Variants in HNF4G observed in about 807,000 individuals in gnomAD.
HNF4G encodes hepatocyte nuclear factor 4-gamma.
HNF4G carries 21 observed loss-of-function variants against 50.9 expected under a neutral mutation model. The observed-to-expected ratio is 0.41, with a 90% confidence interval of 0.29 to 0.59. HNF4G has a LOEUF of 0.59. HNF4G is among the 20% of genes least tolerant of loss of function. The probability of loss-of-function intolerance (pLI) is 0.26; values close to 1 mark genes in which losing one functional copy is unlikely to be tolerated. For missense variants in HNF4G, 527 were observed against 559.4 expected, an observed-to-expected ratio of 0.94 and a Z score of 0.58; for synonymous variants, 198 against 185.6, an observed-to-expected ratio of 1.07 and a Z score of -0.54.
chr8:75,514,252 A>T (rs1369014229), intron 2 of HNF4G, among the ~76,000 whole-genome samples: 1 of 149,892 alleles, frequency 6.7e-6, no homozygotes, highest in Non-Finnish European at 1.5e-5. Context: ...TTTGTCTAAT[A>T]TTGACATAAA....
At chr8:75,468,786 G>A (rs376705942) in intron 1 of HNF4G, among the ~76,000 whole-genome samples, 13 of 151,836 alleles carry the variant, frequency 8.6e-5, no homozygotes, top group African/African-American at 7.3e-5. Flanking sequence ...CTCATTAACC[G>A]TTCCTTCCTA....
chr8:75,442,953 G>A (rs995923356), intron 1 of HNF4G, among the ~76,000 whole-genome samples: 13 of 152,142 alleles, frequency 8.5e-5, no homozygotes, highest in South Asian at 2.1e-4. Context: ...TATTGCCTTC[G>A]TGATCTGAAT....
intron 1 of HNF4G, among the ~76,000 whole-genome samples, chr8:75,450,796 G>A (rs1360720442): frequency 6.6e-6 from 1 of 152,142 alleles, no homozygotes; most frequent in African/African-American, 2.4e-5. Context: ...AAGTCCTGAG[G>A]GCTCTGTCCT....
At chr8:75,563,793 G>T (rs1453233469) in intron 9 of HNF4G, among the ~76,000 whole-genome samples, 182 bp from the exon 10 acceptor site, 2 of 152,048 alleles carry the variant, frequency 1.3e-5, no homozygotes, top group African/African-American at 4.8e-5. Context: ...GGAAAGTAAG[G>T]TGAGAGTACT....
At chr8:75,508,455 A>T (rs1007316294) in intron 2 of HNF4G, among the ~76,000 whole-genome samples, 2 of 152,074 alleles carry the variant, frequency 1.3e-5, no homozygotes, top group South Asian at 2.1e-4. Flanking sequence ...TAAATAAAAT[A>T]TTGGGCCTTA....
chr8:75,422,067 A>T (rs1810788576), intron 1 of HNF4G, among the ~76,000 whole-genome samples: 1 of 152,092 alleles, frequency 6.6e-6, no homozygotes, highest in Non-Finnish European at 1.5e-5. Context: ...AACAAAATAA[A>T]TTTCAGAGAA....
chr8:75,517,412 A>G (rs1805920091), intron 2 of HNF4G, among the ~76,000 whole-genome samples: 1 of 152,200 alleles, frequency 6.6e-6, no homozygotes, highest in South Asian at 2.1e-4. Flanking sequence ...AGTCCCTTCC[A>G]CTTATGAGCC....
intron 1 of HNF4G, among the ~76,000 whole-genome samples, chr8:75,487,148 A>G (rs1452485554): frequency 6.6e-6 from 1 of 152,236 alleles, no homozygotes; most frequent in Non-Finnish European, 1.5e-5. Context: ...CAACCTTTAT[A>G]TTCCACTATA....
chr8:75,427,657 T>C (rs114396344), intron 1 of HNF4G, among the ~76,000 whole-genome samples: 4 of 151,854 alleles, frequency 2.6e-5, no homozygotes, highest in Admixed American at 2.0e-4. Context: ...GAATGCCTTG[T>C]TAAGTATTTG....
chr8:75,444,071 G>A (rs1460258952), intron 1 of HNF4G, among the ~76,000 whole-genome samples: 2 of 152,252 alleles, frequency 1.3e-5, no homozygotes, highest in East Asian at 1.9e-4. Context: ...CAGACTAACA[G>A]CAGATCTCTC....
At chr8:75,503,238 G>C (rs1265278779) in intron 2 of HNF4G, among the ~76,000 whole-genome samples, 1 of 152,104 alleles carries the variant, frequency 6.6e-6, no homozygotes, top group African/African-American at 2.4e-5. Context: ...TGCTTACTAA[G>C]CCTTGGGCAA....
chr8:75,490,803 G>A (rs1054278356), intron 2 of HNF4G, among the ~76,000 whole-genome samples: 4 of 152,142 alleles, frequency 2.6e-5, no homozygotes, highest in African/African-American at 9.7e-5. Flanking sequence ...AACAATTTGA[G>A]CAGATTGCGA....
intron 2 of HNF4G, among the ~76,000 whole-genome samples, chr8:75,500,771 A>T (rs1053324486): frequency 6.6e-6 from 1 of 152,174 alleles, no homozygotes; most frequent in Non-Finnish European, 1.5e-5. Context: ...TGCACACAAA[A>T]TATTGTACAA....
chr8:75,409,979 T>G (rs920275593), intron 1 of HNF4G, among the ~76,000 whole-genome samples: 1 of 152,174 alleles, frequency 6.6e-6, no homozygotes, highest in Non-Finnish European at 1.5e-5. Context: ...ACAGTTTTAT[T>G]GTTTTAAAAT....
intron 1 of HNF4G, among the ~76,000 whole-genome samples, chr8:75,540,331 C>A (rs1277740660): frequency 6.6e-6 from 1 of 152,010 alleles, no homozygotes; most frequent in Non-Finnish European, 1.5e-5. Context: ...CTGTCATGGG[C>A]CAGTTAGACA....
Position 75,564,230 on chromosome 8 carries a change from T to A in HNF4G, c.*134T>A. Reference sequence around the variant, plus strand: ...TGCTGTTATAAGATGGTGTCCTATTTTCTTGTTTATACGTTCATTCTGTTT... The same window carrying A: ...TGCTGTTATAAGATGGTGTCCTATTATCTTGTTTATACGTTCATTCTGTTT... On this transcript the variant is annotated 3_prime_UTR_variant, in exon 10 of 10. Transcript: ENST00000396423. 2.4e-6 allele frequency: 2 copies of A among 836,758 alleles called. No homozygotes were observed. The highest frequency in any genetic ancestry group is 3.7e-6 in the Non-Finnish European group (2 of 540,692). 51.8% of individuals were successfully genotyped at this position (836,758 alleles called of 1,614,324 possible).
At chr8:75,411,320 C>T (rs1466224009) in intron 1 of HNF4G, among the ~76,000 whole-genome samples, 1 of 152,194 alleles carries the variant, frequency 6.6e-6, no homozygotes, top group Non-Finnish European at 1.5e-5. Context: ...CTGGGGAAGG[C>T]ACTTTTCTAG....
intron 6 of HNF4G, among the ~76,000 whole-genome samples, chr8:75,557,257 T>A (rs1198586650): frequency 6.6e-6 from 1 of 152,210 alleles, no homozygotes; most frequent in Non-Finnish European, 1.5e-5. Flanking sequence ...AGATAGTAAC[T>A]ATGTGAGGTG....
intron 1 of HNF4G, among the ~76,000 whole-genome samples, chr8:75,471,588 T>C (rs963956508): frequency 2.6e-5 from 4 of 152,232 alleles, no homozygotes; most frequent in African/African-American, 9.6e-5. Flanking sequence ...GCCTGTTCCA[T>C]ACCCTTTGCC....
Sources: gnomAD v4.1 joint callset for allele counts (sites outside exome capture counted in the v4.1 genomes callset) on GRCh38, gnomAD v4.1.1 for gene constraint, MANE v1.5 for transcripts, NCBI Gene and HGNC (gene_info 2026-07-23, HGNC 2026-07-21) for gene names.